Variants in ANO4 observed in about 807,000 individuals in gnomAD.
ANO4 encodes the protein anoctamin 4.
In ANO4, 69 loss-of-function variants were observed where a neutral mutation model predicts 141.9. That is an observed-to-expected ratio of 0.49 (90% confidence interval 0.40 to 0.59). The LOEUF (loss-of-function observed/expected upper bound fraction) is 0.59, where lower values mean the gene tolerates loss of function less well. ANO4 is among the 20% of genes least tolerant of loss of function. The pLI, the probability that ANO4 is intolerant of heterozygous loss-of-function variation, is 0.00. For synonymous variants in ANO4, 350 were observed against 394.3 expected, an observed-to-expected ratio of 0.89 and a Z score of 1.33; for missense variants, 894 against 1,162.2, an observed-to-expected ratio of 0.77 and a Z score of 3.36.
chr12:100,814,658 G>A (rs1250035296), intron 1 of ANO4, among the ~76,000 whole-genome samples: 1 of 151,798 alleles, frequency 6.6e-6, no homozygotes, highest in African/African-American at 2.4e-5. Flanking sequence ...TACTAGATTA[G>A]GTTCCCCCAT....
At chr12:100,948,525 A>T (rs1204442404) in intron 5 of ANO4, among the ~76,000 whole-genome samples, 1 of 152,180 alleles carries the variant, frequency 6.6e-6, no homozygotes, top group Non-Finnish European at 1.5e-5. Flanking sequence ...TAAGTTGTTC[A>T]GCTACCTTCT....
At chr12:100,849,344 C>T (rs1003188538) in intron 1 of ANO4, among the ~76,000 whole-genome samples, 9 of 152,110 alleles carry the variant, frequency 5.9e-5, no homozygotes, top group African/African-American at 7.2e-5. Context: ...GTAATACCAT[C>T]GTATGTTACA....
At chr12:100,775,307 G>A (rs553959415) in intron 3 of ANO4, among the ~76,000 whole-genome samples, 1 of 152,264 alleles carries the variant, frequency 6.6e-6, no homozygotes, top group African/African-American at 2.4e-5. Flanking sequence ...GACATATAGA[G>A]CATAGACTCA....
chr12:100,787,782 T>C (rs1212696202), intron 3 of ANO4, among the ~76,000 whole-genome samples: 1 of 152,200 alleles, frequency 6.6e-6, no homozygotes, highest in African/African-American at 2.4e-5. Flanking sequence ...ATATAGGATT[T>C]TGATAAATGT....
chr12:101,124,686 A>G (rs963512726), intron 26 of ANO4, among the ~76,000 whole-genome samples: 21 of 152,194 alleles, frequency 1.4e-4, no homozygotes, highest in Middle Eastern at 3.2e-3. Context: ...TTTTCTGCAT[A>G]TGGCTAGCCA....
At chr12:100,756,652 C>T (rs2032626898) in intron 3 of ANO4, among the ~76,000 whole-genome samples, 1 of 152,066 alleles carries the variant, frequency 6.6e-6, no homozygotes, top group African/African-American at 2.4e-5. Flanking sequence ...CCGGCCTCAA[C>T]TTGTTTTTTT....
chr12:100,979,500 C>T (rs1029816896), intron 7 of ANO4, among the ~76,000 whole-genome samples: 9 of 151,990 alleles, frequency 5.9e-5, no homozygotes, highest in African/African-American at 2.2e-4. Context: ...AAATTACAGC[C>T]AGTGGTGGAA....
At chr12:100,896,497 C>T (rs1295513594) in intron 1 of ANO4, among the ~76,000 whole-genome samples, 1 of 152,184 alleles carries the variant, frequency 6.6e-6, no homozygotes, top group Non-Finnish European at 1.5e-5. Flanking sequence ...GTTCAGTTTG[C>T]ACTTCTGTGG....
chr12:101,099,671 C>A lies in ANO4; in HGVS notation c.2100C>A (p.Asn700Lys), dbSNP rs367780147. 2 of 1,610,738 alleles carry A rather than the reference C, an allele frequency of 1.2e-6. No individual in the cohort carries two copies. The highest frequency in any genetic ancestry group is 1.3e-5 in the African/African-American group (1 of 74,674). ...TCCCACAATGGGAAAAGGACTATAA[C>A]CTTCAGCCGATGAATGCCTATGGAC... ...ISFPQWEKDYNLQPMNAYGLF... is the reference protein window; with the variant it reads ...ISFPQWEKDYKLQPMNAYGLF... The change falls in exon 22 of 28, where the codon AAC becomes AAA. Residue 700 changes from asparagine to lysine, a missense_variant. Coordinates refer to ENST00000392977, the MANE Select transcript of ANO4 (RefSeq NM_001286615.2).
chr12:101,030,007 T>G (rs2046910880), intron 9 of ANO4, among the ~76,000 whole-genome samples: 1 of 151,340 alleles, frequency 6.6e-6, no homozygotes, highest in Admixed American at 6.6e-5. Flanking sequence ...ACAAAGAGAC[T>G]TAGACTCCCA....
chr12:101,056,776 G>A (rs1043590123), intron 14 of ANO4, among the ~76,000 whole-genome samples: 1 of 151,472 alleles, frequency 6.6e-6, no homozygotes, highest in Non-Finnish European at 1.5e-5. Context: ...TAGGAACTGA[G>A]GGTTTTAAAA....
intron 2 of ANO4, among the ~76,000 whole-genome samples, chr12:100,903,672 G>C (rs2040701843): frequency 6.6e-6 from 1 of 152,184 alleles, no homozygotes; most frequent in Non-Finnish European, 1.5e-5. Context: ...TGAATTCATA[G>C]GTCAGGCTAT....
chr12:100,936,477 G>A (rs1428100507), intron 3 of ANO4, among the ~76,000 whole-genome samples: 2 of 152,166 alleles, frequency 1.3e-5, no homozygotes, highest in African/African-American at 2.4e-5. Flanking sequence ...CGGACATAGA[G>A]GGCATTGTTG....
At chr12:101,039,627 T>C (rs1434807064) in intron 10 of ANO4, among the ~76,000 whole-genome samples, 1 of 152,224 alleles carries the variant, frequency 6.6e-6, no homozygotes, top group Admixed American at 6.5e-5. Flanking sequence ...GGGACAAATA[T>C]TAGTTCCACT....
At chr12:100,825,739 C>T (rs2036299279) in intron 1 of ANO4, among the ~76,000 whole-genome samples, 1 of 152,036 alleles carries the variant, frequency 6.6e-6, no homozygotes, top group Non-Finnish European at 1.5e-5. Context: ...ATAATTAACA[C>T]TAATACCATT....
At chr12:100,882,744 G>A (rs565151731) in intron 1 of ANO4, among the ~76,000 whole-genome samples, 2 of 152,018 alleles carry the variant, frequency 1.3e-5, no homozygotes, top group Non-Finnish European at 2.9e-5. Context: ...TGTTCCCCAG[G>A]CTGGAGTGCA....
At chr12:101,051,559 G>C (rs112449911) in intron 14 of ANO4, among the ~76,000 whole-genome samples, 17 of 152,354 alleles carry the variant, frequency 1.1e-4, no homozygotes, top group African/African-American at 4.1e-4. Flanking sequence ...ATCTGAAAGA[G>C]TCAACAATAT....
chr12:100,722,211 C>T (rs1048285742), intron 1 of ANO4, among the ~76,000 whole-genome samples: 2 of 152,158 alleles, frequency 1.3e-5, no homozygotes, highest in African/African-American at 4.8e-5. Context: ...TTGCTTTCTC[C>T]TTGCCCTGCC....
intron 1 of ANO4, among the ~76,000 whole-genome samples, chr12:100,796,328 C>T (rs1053363327): frequency 6.9e-6 from 1 of 145,844 alleles, no homozygotes; most frequent in African/African-American, 2.6e-5. Context: ...TCTCCTCCTG[C>T]TCTTTGGGAG....
Sources: gnomAD v4.1 joint callset for allele counts (sites outside exome capture counted in the v4.1 genomes callset) on GRCh38, gnomAD v4.1.1 for gene constraint, MANE v1.5 for transcripts, NCBI Gene and HGNC (gene_info 2026-07-23, HGNC 2026-07-21) for gene names.